DIAPH2: variants seen among roughly 807,000 people sequenced by gnomAD.
DIAPH2 encodes the protein protein diaphanous homolog 2.
In DIAPH2, 35 loss-of-function variants were observed where a neutral mutation model predicts 92.7. The observed-to-expected ratio is 0.38, with a 90% CI of 0.29 to 0.50. The LOEUF (loss-of-function observed/expected upper bound fraction) is 0.50. DIAPH2 is among the 20% of genes least tolerant of loss of function. The pLI, the probability that DIAPH2 is intolerant of heterozygous loss-of-function variation, is 0.94. For missense variants in DIAPH2, 701 were observed against 819.5 expected, an observed-to-expected ratio of 0.86 and a Z score of 1.77; for synonymous variants, 301 against 280.4, an observed-to-expected ratio of 1.07 and a Z score of -0.73.
At chrX:97,589,429 T>C (rs2071502657) in intron 26 of DIAPH2, among the ~76,000 whole-genome samples, 1 of 109,650 alleles carries the variant, frequency 9.1e-6, no homozygotes, top group Admixed American at 9.8e-5. Context: ...AATTATATTT[T>C]TTTCAAAAAG....
chrX:96,865,889 G>C (rs916138495), intron 4 of DIAPH2, among the ~76,000 whole-genome samples: 1 of 111,767 alleles, frequency 8.9e-6, no homozygotes, highest in Non-Finnish European at 1.9e-5. Context: ...CTATGTGTCA[G>C]GCATAGGGCC....
At chrX:97,191,893 C>A (rs747025154) in intron 22 of DIAPH2, among the ~76,000 whole-genome samples, 2 of 110,939 alleles carry the variant, frequency 1.8e-5, no homozygotes, top group Non-Finnish European at 3.8e-5. Flanking sequence ...CAAAAGGAAG[C>A]AGTGAAAAAC....
intron 4 of DIAPH2, among the ~76,000 whole-genome samples, chrX:96,830,777 C>T (rs1291421066): frequency 9.3e-6 from 1 of 107,736 alleles, no homozygotes; most frequent in Non-Finnish European, 1.9e-5. Flanking sequence ...AACAAATTAA[C>T]AAAGTTTTAA....
At chrX:97,169,042 T>C (rs2067432793) in intron 22 of DIAPH2, among the ~76,000 whole-genome samples, 1 of 111,807 alleles carries the variant, frequency 8.9e-6, no homozygotes, top group Admixed American at 9.6e-5. Flanking sequence ...GGTTTCAACA[T>C]TGGAATTTTG....
chrX:97,292,965 G>A (rs895803500), intron 23 of DIAPH2, among the ~76,000 whole-genome samples: 63 of 110,981 alleles, frequency 5.7e-4, no homozygotes, highest in Admixed American at 6.8e-4. Context: ...TAGTATAACA[G>A]ACTTACCCAC....
chrX:96,716,922 A>G (rs1279757069), intron 1 of DIAPH2, among the ~76,000 whole-genome samples: 1 of 111,753 alleles, frequency 8.9e-6, no homozygotes, highest in Non-Finnish European at 1.9e-5. Context: ...AGCGAAGGTC[A>G]TTGATTTGAG....
At chrX:97,332,343 C>T (rs1033772390) in intron 23 of DIAPH2, among the ~76,000 whole-genome samples, 2 of 111,674 alleles carry the variant, frequency 1.8e-5, no homozygotes, top group Admixed American at 9.6e-5. Context: ...AATCTCTTGC[C>T]TCAGTTCATA....
rs1226445304 is a variant in DIAPH2 at position 97,600,899 on chromosome X, T to C, written c.*1582T>C. 8.9e-6 allele frequency: 1 copy of C among 111,964 alleles called. No individual in the cohort carries two copies. The highest frequency in any genetic ancestry group is 1.9e-5 in the Non-Finnish European group (1 of 53,168). The allele number at this position is 111,964 out of a possible 1,213,427, so 9.2% of individuals were successfully genotyped here. A position where few individuals can be genotyped will look rare whatever the true frequency, so the allele number is the denominator to read the frequency against. On this transcript the variant is annotated 3_prime_UTR_variant, in exon 27 of 27. Transcript: ENST00000324765. ...ATAGATGTATAATGATTCAAACTGC[T>C]GCCTTTGCCTCCAGTGCATCCTTAC...
At chrX:97,010,548 C>T (rs1332000390) in intron 17 of DIAPH2, among the ~76,000 whole-genome samples, 2 of 111,602 alleles carry the variant, frequency 1.8e-5, no homozygotes, top group Non-Finnish European at 3.8e-5. Context: ...TCTATTTGGC[C>T]ACCTTGTTAT....
At chrX:97,321,499 T>C (rs2068893875) in intron 23 of DIAPH2, among the ~76,000 whole-genome samples, 2 of 108,982 alleles carry the variant, frequency 1.8e-5, no homozygotes, top group Non-Finnish European at 3.8e-5. Flanking sequence ...TGCATGTACG[T>C]TCACATACAT....
intron 26 of DIAPH2, among the ~76,000 whole-genome samples, chrX:97,507,769 C>T (rs1194979944): frequency 9.0e-6 from 1 of 111,552 alleles, no homozygotes; most frequent in Admixed American, 9.6e-5. Flanking sequence ...ACTATGGCAG[C>T]TTTTCATAAA....
chrX:97,490,878 C>T (rs2070721087), intron 26 of DIAPH2, among the ~76,000 whole-genome samples: 1 of 111,482 alleles, frequency 9.0e-6, no homozygotes, highest in Non-Finnish European at 1.9e-5. Context: ...GTGTATTTCA[C>T]AACTGTTGGT....
At chrX:96,685,797 A>C (rs141468599) in intron 1 of DIAPH2, among the ~76,000 whole-genome samples, 1,762 of 111,752 alleles carry the variant, frequency 0.016, 30 homozygotes, top group African/African-American at 0.055. Flanking sequence ...TGGGAGTTTG[A>C]GGCTGGGTGA....
At chrX:97,181,197 G>A (rs188816024) in intron 22 of DIAPH2, among the ~76,000 whole-genome samples, 231 of 109,400 alleles carry the variant, frequency 2.1e-3, no homozygotes, top group African/African-American at 7.5e-3. Context: ...AGCCTCCCGA[G>A]TGGGGATTAC....
intron 23 of DIAPH2, among the ~76,000 whole-genome samples, chrX:97,258,614 A>T (rs2068259266): frequency 9.3e-6 from 1 of 107,307 alleles, no homozygotes; most frequent in Non-Finnish European, 1.9e-5. Context: ...TCACGCCTGT[A>T]ATCCCAGCAC....
intron 4 of DIAPH2, among the ~76,000 whole-genome samples, chrX:96,817,974 T>C (rs2064748488): frequency 9.9e-6 from 1 of 101,150 alleles, no homozygotes; most frequent in African/African-American, 3.5e-5. Context: ...TTAACTTTCT[T>C]TCTTTTTTTT....
intron 25 of DIAPH2, among the ~76,000 whole-genome samples, chrX:97,386,235 T>C (rs749874810): frequency 2.7e-5 from 3 of 112,385 alleles, no homozygotes; most frequent in Middle Eastern, 4.6e-3. Flanking sequence ...CAACATAATT[T>C]AGCAAACGAA....
chrX:96,866,849 A>C (rs150658544), intron 4 of DIAPH2, among the ~76,000 whole-genome samples: 1,305 of 112,169 alleles, frequency 0.012, 34 homozygotes, highest in Admixed American at 0.073. Context: ...AGATTATACT[A>C]ATTTTTTCTC....
chrX:96,897,710 C>T, intron 5 of DIAPH2, among the ~76,000 whole-genome samples: 1 of 108,700 alleles, frequency 9.2e-6, no homozygotes. Flanking sequence ...AATTTTTTTT[C>T]AATTTTTTTA....
Sources: gnomAD v4.1 joint callset for allele counts (sites outside exome capture counted in the v4.1 genomes callset) on GRCh38, gnomAD v4.1.1 for gene constraint, MANE v1.5 for transcripts, NCBI Gene and HGNC (gene_info 2026-07-23, HGNC 2026-07-21) for gene names.